Variants in BAZ2B observed in about 807,000 individuals in gnomAD.
BAZ2B encodes the protein bromodomain adjacent to zinc finger domain 2B, also known as bromodomain adjacent to zinc finger domain protein 2B.
Under a neutral mutation model 246.0 loss-of-function variants are expected in BAZ2B, and 91 were observed. That is an observed-to-expected ratio of 0.37 (90% confidence interval 0.31 to 0.44). BAZ2B has a LOEUF of 0.44. Among genes scored for constraint, BAZ2B ranks in the 20% least tolerant of loss-of-function variants. BAZ2B has a pLI of 1.00. For missense variants in BAZ2B, 2,332 were observed against 2,533.7 expected (o/e 0.92, Z 1.71); for synonymous variants, 855 against 860.0 (o/e 0.99, Z 0.10).
intron 1 of BAZ2B, among the ~76,000 whole-genome samples, chr2:159,603,671 CA>C (rs34699245): frequency 5.2e-4 from 74 of 142,398 alleles, no homozygotes; most frequent in Admixed American, 4.9e-4. Flanking sequence ...CTCCTCCTTA[CA>C]AAAAAAAAAA....
At position 159,394,138 on chromosome 2, in the gene BAZ2B, A is replaced by C. The variant is rs78390645; in HGVS notation, c.3075+1631T>G. Among the ~76,000 whole-genome samples the C allele has an allele frequency of 5.3e-4, 81 of 152,200 alleles. No homozygotes were observed. The East Asian group carries it at 0.011, about 21-fold the overall frequency. On this transcript the variant is annotated intron_variant, in intron 20 of 36. Coordinates refer to ENST00000392783, the MANE Select transcript of BAZ2B (RefSeq NM_013450.4). ...CTTTTTATTCCTTCTGATTAAAAAA[A>C]AAAACAAAACAAAACCCATGATTGG...
rs1576278240 is a variant in BAZ2B, at chr2:159,374,673, A to C, written c.4068+18T>G. On this transcript the variant is annotated intron_variant, in intron 26 of 36. Coordinates refer to ENST00000392783, the MANE Select transcript of BAZ2B (RefSeq NM_013450.4). Reference sequence around the variant, plus strand: ...AAACACTGTGAAGAAGTTAAATGTTAATCAGAAAAGTGCTTACTTTACTCA... The same window carrying C: ...AAACACTGTGAAGAAGTTAAATGTTCATCAGAAAAGTGCTTACTTTACTCA... 3 of 1,598,902 alleles carry C rather than the reference A, an allele frequency of 1.9e-6. No individual in the cohort carries two copies. The highest frequency in any genetic ancestry group is 2.2e-5 in the East Asian group (1 of 44,658).
chr2:159,689,709 G>A, the BAZ2B span: 15 of 406,718 alleles, frequency 3.7e-5, no homozygotes, highest in Middle Eastern at 7.5e-4. Context: ...TCATGGAGAC[G>A]ATAAATAGAT....
chr2:159,365,834 C>T (rs1014720021), intron 27 of BAZ2B, among the ~76,000 whole-genome samples: 4 of 152,168 alleles, frequency 2.6e-5, no homozygotes, highest in Non-Finnish European at 5.9e-5. Context: ...TGGGCATAAA[C>T]GTGCCTGACC....
chr2:159,667,511 G>A, the BAZ2B span, among the ~76,000 whole-genome samples: 1 of 152,004 alleles, frequency 6.6e-6, no homozygotes. Flanking sequence ...CACGAGAATC[G>A]CTTGAACCCA....
intron 1 of BAZ2B, among the ~76,000 whole-genome samples, chr2:159,566,568 C>T (rs1682645901): frequency 6.6e-6 from 1 of 152,222 alleles, no homozygotes; most frequent in Admixed American, 6.5e-5. Flanking sequence ...CACCACCTTA[C>T]AACAGGAGGC....
At chr2:159,480,981 T>C (rs1294147637) in intron 2 of BAZ2B, among the ~76,000 whole-genome samples, 1 of 152,084 alleles carries the variant, frequency 6.6e-6, no homozygotes, top group Non-Finnish European at 1.5e-5. Context: ...TGGTCTTAAG[T>C]AGTTGTTGTT....
intron 16 of BAZ2B, among the ~76,000 whole-genome samples, chr2:159,402,426 G>A (rs2112115): frequency 0.18 from 27,739 of 151,824 alleles, 2,783 homozygotes; most frequent in South Asian, 0.29. Flanking sequence ...TTCCAGCCTG[G>A]GCAACAGAGG....
chr2:159,371,666 G>A (rs920007071), intron 27 of BAZ2B, among the ~76,000 whole-genome samples: 5 of 152,190 alleles, frequency 3.3e-5, no homozygotes, highest in East Asian at 3.9e-4. Flanking sequence ...AATCCAATGC[G>A]TACTTTGCTC....
At chr2:159,649,354 A>G in the BAZ2B span, among the ~76,000 whole-genome samples, 1 of 152,014 alleles carries the variant, frequency 6.6e-6, no homozygotes, top group Non-Finnish European at 1.5e-5. Flanking sequence ...GAAGTGCACA[A>G]CCTAGATCCC....
the BAZ2B span, among the ~76,000 whole-genome samples, chr2:159,668,282 G>C: frequency 0.077 from 11,647 of 152,074 alleles, 940 homozygotes; most frequent in African/African-American, 0.2. Context: ...TGTCCTTTAG[G>C]ATCTTTATAC....
chr2:159,531,084 G>C (rs1321656453), intron 2 of BAZ2B, among the ~76,000 whole-genome samples: 1 of 152,110 alleles, frequency 6.6e-6, no homozygotes, highest in Non-Finnish European at 1.5e-5. Context: ...TTATCATTAT[G>C]CATCTGTCAT....
chr2:159,471,655 C>A (rs1407897037), intron 3 of BAZ2B, among the ~76,000 whole-genome samples: 1 of 152,004 alleles, frequency 6.6e-6, no homozygotes, highest in Non-Finnish European at 1.5e-5. Context: ...ATACTAAGAG[C>A]ATGCTTTTAT....
chr2:159,342,205 TA>T, intron 31 of BAZ2B, among the ~76,000 whole-genome samples: 1 of 152,204 alleles, frequency 6.6e-6, no homozygotes, highest in Non-Finnish European at 1.5e-5. Flanking sequence ...CCCATGGTCA[TA>T]GATAGGAAGA....
intron 2 of BAZ2B, among the ~76,000 whole-genome samples, chr2:159,547,651 G>A (rs2087564042): frequency 6.6e-6 from 1 of 152,014 alleles, no homozygotes; most frequent in African/African-American, 2.4e-5. Flanking sequence ...CTTAATTCAG[G>A]AAATATTTAC....
intron 6 of BAZ2B, among the ~76,000 whole-genome samples, chr2:159,440,514 C>CTGTTTTTTTT (rs1234904617): frequency 3.3e-5 from 2 of 61,416 alleles, no homozygotes; most frequent in African/African-American, 3.6e-5. Flanking sequence ...TGCAATGACT[C>CTGTTTTTTTT]TTGTTTTTTT....
chr2:159,490,366 C>G (rs76506323), intron 2 of BAZ2B, among the ~76,000 whole-genome samples: 1 of 151,954 alleles, frequency 6.6e-6, no homozygotes, highest in South Asian at 2.1e-4. Context: ...AGAATCTACG[C>G]GACCTCCTAG....
At chr2:159,420,386 CTG>C (rs1169126374) in intron 13 of BAZ2B, among the ~76,000 whole-genome samples, 2 of 152,238 alleles carry the variant, frequency 1.3e-5, no homozygotes, top group South Asian at 2.1e-4. Context: ...AGAAGAAACA[CTG>C]TACTTTTTTC....
Position 159,448,232 on chromosome 2 carries a change from A to G in BAZ2B, c.502+10T>C. ...GATTTATAGTACTTCACTTATGTAA[A>G]TGTGGATACCTTTTTCGGGACCATT... On this transcript the variant is annotated intron_variant, in intron 5 of 36. Transcript: ENST00000392783. 3.7e-6 allele frequency: 6 copies of G among 1,609,584 alleles called. No individual in the cohort carries two copies. Among genetic ancestry groups the G allele is most frequent in the Non-Finnish European group, 4.2e-6 (5 of 1,178,644 alleles).
Sources: gnomAD v4.1 joint callset for allele counts (sites outside exome capture counted in the v4.1 genomes callset) on GRCh38, gnomAD v4.1.1 for gene constraint, MANE v1.5 for transcripts, NCBI Gene and HGNC (gene_info 2026-07-23, HGNC 2026-07-21) for gene names.